ACACB: variants seen among roughly 807,000 people sequenced by gnomAD.
ACACB encodes the protein acetyl-CoA carboxylase 2.
In ACACB, 209 loss-of-function variants were observed where a neutral mutation model predicts 278.8. The observed-to-expected ratio is 0.75, with a 90% CI of 0.67 to 0.84. ACACB has a LOEUF of 0.84. Ranked by LOEUF, ACACB falls within the 40% of genes least tolerant of loss-of-function variation. The pLI, the probability that ACACB is intolerant of heterozygous loss-of-function variation, is 0.00. For synonymous variants in ACACB, 1,174 were observed against 1,285.6 expected (o/e 0.91, Z 1.86); for missense variants, 2,850 against 3,269.0 (o/e 0.87, Z 3.13).
At chr12:109,240,111 T>C in intron 35 of ACACB, 126 bp downstream of exon 35, 1 of 1,149,226 alleles carries the variant, frequency 8.7e-7, no homozygotes, top group Non-Finnish European at 1.2e-6. Context: ...TATCTGAGCC[T>C]CAGTTGCTGC....
intron 2 of ACACB, among the ~76,000 whole-genome samples, chr12:109,153,086 A>G (rs1041455848): frequency 6.6e-6 from 1 of 152,032 alleles, no homozygotes; most frequent in African/African-American, 2.4e-5. Context: ...TCGTGGGTTC[A>G]AGTGATTCTC....
At chr12:109,156,574 G>A (rs1229630360) in intron 2 of ACACB, among the ~76,000 whole-genome samples, 1 of 142,096 alleles carries the variant, frequency 7.0e-6, no homozygotes, top group East Asian at 2.1e-4. Context: ...GGATATTCAG[G>A]CTGTTTCTCT....
chr12:109,258,476 G>C, intron 46 of ACACB, 112 bp downstream of exon 46: 1 of 819,452 alleles, frequency 1.2e-6, no homozygotes, highest in South Asian at 1.6e-5. Flanking sequence ...AGAAGCAGGG[G>C]ACCCAGTGCA....
At chr12:109,242,407 A>ACT (rs2046824662) in intron 36 of ACACB, 30 bp from the exon 37 acceptor site, 1 of 1,604,722 alleles carries the variant, frequency 6.2e-7, no homozygotes, top group East Asian at 2.2e-5. Context: ...ATTCTCTCTC[A>ACT]CTCTCTGTTT....
In ACACB at chr12:109,191,960, G is replaced by A. The variant is rs751820616; in HGVS notation, c.2399+10G>A. On this transcript the variant is annotated intron_variant, in intron 15 of 52. Coordinates refer to ENST00000338432, the MANE Select transcript of ACACB (RefSeq NM_001093.4). ...TACACTCCCTGGAAAGGTAGGGGCT[G>A]TGGCAGTTCCCTTCTGCTTTTGTGA... The A allele has an allele frequency of 6.2e-7, 1 of 1,613,876 alleles. No homozygotes were observed. The highest frequency in any genetic ancestry group is 8.5e-7 in the Non-Finnish European group (1 of 1,179,748).
intron 28 of ACACB, among the ~76,000 whole-genome samples, chr12:109,230,138 T>C (rs750887107): frequency 1.3e-5 from 2 of 152,238 alleles, no homozygotes; most frequent in Non-Finnish European, 2.9e-5. Flanking sequence ...GGGATTTTTC[T>C]GGCCTCTTAG....
At chr12:109,210,311 A>G (rs1335583087) in intron 21 of ACACB, among the ~76,000 whole-genome samples, 1 of 119,490 alleles carries the variant, frequency 8.4e-6, no homozygotes, top group African/African-American at 3.2e-5. Context: ...ATATATACAC[A>G]CACATATCTG....
chr12:109,220,228 A>G (rs1430000226), intron 24 of ACACB, among the ~76,000 whole-genome samples: 3 of 152,226 alleles, frequency 2.0e-5, no homozygotes, highest in African/African-American at 7.2e-5. Context: ...TGAACCAATT[A>G]CAGTCTCGGG....
rs1022063850 is a variant in ACACB, at chr12:109,180,855, T to C, written c.1818+768T>C. On this transcript the variant is annotated intron_variant, in intron 11 of 52. Transcript: ENST00000338432. The stretch of plus-strand genomic sequence containing the variant: ...TATACTCTTTTAGTTAATTTTAAAA[T>C]GTACAATAAATTATTGTTGACTGTA... Among the ~76,000 whole-genome samples the C allele has an allele frequency of 4.6e-5, 7 of 152,238 alleles. 1 individual carries two copies. The highest frequency in any genetic ancestry group is 1.7e-4 in the African/African-American group (7 of 41,462).
In ACACB at chr12:109,258,889, C is replaced by G. The variant is rs1047289810; in HGVS notation, c.6361-84C>G. 1.6e-5 allele frequency: 24 copies of G among 1,545,462 alleles called. No individual in the cohort carries two copies. In the African/African-American group the frequency reaches 2.7e-4, roughly 17 times the overall value. On this transcript the variant is annotated intron_variant, in intron 46 of 52. Transcript: ENST00000338432. ...CAGCACAGATCAGATCGCCTGCCAT[C>G]CAGAGCGAGGTTCTGGCAGCCGTCC...
At chr12:109,163,585 G>A (rs1324459269) in intron 2 of ACACB, among the ~76,000 whole-genome samples, 1 of 152,076 alleles carries the variant, frequency 6.6e-6, no homozygotes, top group African/African-American at 2.4e-5. Context: ...CCAGATAATA[G>A]GACTTCGGGA....
intron 39 of ACACB, 62 bp from the exon 40 acceptor site, chr12:109,247,544 A>G: frequency 2.3e-6 from 3 of 1,286,080 alleles, no homozygotes; most frequent in Non-Finnish European, 3.3e-6. Flanking sequence ...ATTAAGAAAA[A>G]AAAAACAGTG....
At chr12:109,203,491 G>T (rs1458166894) in intron 19 of ACACB, among the ~76,000 whole-genome samples, 3 of 152,224 alleles carry the variant, frequency 2.0e-5, no homozygotes, top group African/African-American at 7.2e-5. Context: ...TGATTGTCTT[G>T]TTGCTTTATT....
intron 24 of ACACB, among the ~76,000 whole-genome samples, chr12:109,222,076 A>G (rs2046183103): frequency 6.7e-6 from 1 of 150,042 alleles, no homozygotes; most frequent in Non-Finnish European, 1.5e-5. Context: ...TTTTTTTTGT[A>G]GAGACAAGGT....
intron 11 of ACACB, among the ~76,000 whole-genome samples, chr12:109,182,078 C>T (rs1046716618): frequency 6.6e-6 from 1 of 151,928 alleles, no homozygotes; most frequent in Non-Finnish European, 1.5e-5. Flanking sequence ...CTCCTGACCT[C>T]GTGATCTACC....
intron 21 of ACACB, among the ~76,000 whole-genome samples, chr12:109,210,802 T>C (rs1023386793): frequency 9.3e-5 from 14 of 151,078 alleles, no homozygotes; most frequent in Non-Finnish European, 1.9e-4. Flanking sequence ...CAATCCCAAC[T>C]ACTCAGGAGG....
At chr12:109,204,050 G>C (rs2136350110) in intron 19 of ACACB, among the ~76,000 whole-genome samples, 1 of 151,806 alleles carries the variant, frequency 6.6e-6, no homozygotes, top group East Asian at 1.9e-4. Flanking sequence ...AATTATTATG[G>C]GTACATAATA....
intron 1 of ACACB, among the ~76,000 whole-genome samples, chr12:109,125,884 A>AT (rs2042668098): frequency 6.6e-6 from 1 of 152,086 alleles, no homozygotes; most frequent in African/African-American, 2.4e-5. Flanking sequence ...AATGACTTAC[A>AT]TTTTGGTGCA....
intron 2 of ACACB, among the ~76,000 whole-genome samples, chr12:109,153,813 C>A (rs1005249751): frequency 1.3e-5 from 2 of 152,160 alleles, no homozygotes; most frequent in Non-Finnish European, 2.9e-5. Flanking sequence ...CAGGTGTGCA[C>A]CACCATGCCC....
Sources: allele counts gnomAD v4.1 joint callset (sites outside exome capture counted in the v4.1 genomes callset), GRCh38; gene constraint gnomAD v4.1.1; transcripts MANE v1.5; gene names NCBI Gene and HGNC (gene_info 2026-07-23, HGNC 2026-07-21).